The following CAMK2D variants were observed in gnomAD, a reference collection of about 807,000 sequenced individuals.
CAMK2D encodes the protein calcium/calmodulin dependent protein kinase II delta.
A neutral mutation model predicts 84.0 loss-of-function variants in CAMK2D; 37 were observed. That is an observed-to-expected ratio of 0.44 (90% CI 0.34 to 0.58). The LOEUF (loss-of-function observed/expected upper bound fraction) is 0.58, where lower values mean the gene tolerates loss of function less well. Ranked by LOEUF, CAMK2D falls within the 20% of genes least tolerant of loss-of-function variation. CAMK2D has a pLI of 0.02. For synonymous variants in CAMK2D, 202 were observed against 212.5 expected (o/e 0.95, Z 0.43); for missense variants, 448 against 652.5 (o/e 0.69, Z 3.41).
intron 12 of CAMK2D, among the ~76,000 whole-genome samples, chr4:113,512,628 A>C: frequency 6.6e-6 from 1 of 152,156 alleles, no homozygotes; most frequent in East Asian, 1.9e-4. Context: ...GCTGGAGTGC[A>C]GTGGCGTGAT....
At chr4:113,695,639 A>G (rs989786102) in intron 2 of CAMK2D, among the ~76,000 whole-genome samples, 1 of 152,018 alleles carries the variant, frequency 6.6e-6, no homozygotes, top group African/African-American at 2.4e-5. Context: ...TATAACCAGA[A>G]TACAACTACT....
At chr4:113,664,908 A>G (rs1314914445) in intron 2 of CAMK2D, among the ~76,000 whole-genome samples, 1 of 152,076 alleles carries the variant, frequency 6.6e-6, no homozygotes, top group East Asian at 1.9e-4. Flanking sequence ...GGTTCAAGCA[A>G]TTCTCCTGCC....
At chr4:113,516,168 T>G (rs1229103963) in intron 9 of CAMK2D, among the ~76,000 whole-genome samples, 1 of 152,226 alleles carries the variant, frequency 6.6e-6, no homozygotes, top group South Asian at 2.1e-4. Context: ...TGTGACTCAC[T>G]GGCATAATAA....
intron 3 of CAMK2D, among the ~76,000 whole-genome samples, chr4:113,636,734 A>C (rs2099111185): frequency 6.6e-6 from 1 of 152,140 alleles, no homozygotes; most frequent in Non-Finnish European, 1.5e-5. Flanking sequence ...CACTCACGCT[A>C]TCAAGGAGGT....
intron 12 of CAMK2D, among the ~76,000 whole-genome samples, chr4:113,511,772 T>C (rs901950495): frequency 1.3e-5 from 2 of 152,202 alleles, no homozygotes; most frequent in South Asian, 2.1e-4. Context: ...ACAAAATACA[T>C]ACAACTGGCC....
chr4:113,632,327 G>A (rs1036524425), intron 3 of CAMK2D, among the ~76,000 whole-genome samples: 11 of 151,850 alleles, frequency 7.2e-5, no homozygotes, highest in Non-Finnish European at 1.3e-4. Context: ...GGGTTTAAGC[G>A]ATTCTCCTGC....
intron 4 of CAMK2D, among the ~76,000 whole-genome samples, chr4:113,594,719 C>A (rs1363548848): frequency 6.6e-6 from 1 of 152,074 alleles, no homozygotes; most frequent in Non-Finnish European, 1.5e-5. Context: ...ATAGAAAAAA[C>A]TTCTAAAACT....
intron 2 of CAMK2D, chr4:113,753,900 C>G (rs1407597062): frequency 1.0e-6 from 1 of 984,408 alleles, no homozygotes; most frequent in African/African-American, 1.8e-5. Flanking sequence ...CAGAAATAAT[C>G]TTGTCCTCCT....
rs894418700 is a variant in CAMK2D, at chr4:113,648,061, A to G, written c.220+13652T>C. ...AGTAACTCATTATAGCTTTAACAAA[A>G]TTAAGACTGTAGTTAAAATTTATAG... On this transcript the variant is annotated intron_variant, in intron 3 of 20. Transcript: ENST00000511664. Among the ~76,000 whole-genome samples the G allele has an allele frequency of 5.3e-5, 8 of 152,330 alleles. No homozygotes were observed. In the East Asian group the frequency reaches 1.5e-3, roughly 29 times the overall value.
At chr4:113,649,000 T>G (rs936805031) in intron 3 of CAMK2D, among the ~76,000 whole-genome samples, 1 of 152,230 alleles carries the variant, frequency 6.6e-6, no homozygotes, top group Non-Finnish European at 1.5e-5. Flanking sequence ...TATTGTCAGT[T>G]AAAGGGATCA....
intron 4 of CAMK2D, among the ~76,000 whole-genome samples, chr4:113,569,963 T>C (rs1259835458): frequency 1.3e-5 from 2 of 151,956 alleles, no homozygotes; most frequent in Non-Finnish European, 2.9e-5. Context: ...AAAATCAGCA[T>C]ACAAAAATCA....
intron 2 of CAMK2D, among the ~76,000 whole-genome samples, chr4:113,719,434 A>C (rs528957258): frequency 6.6e-6 from 1 of 152,184 alleles, no homozygotes; most frequent in African/African-American, 2.4e-5. Flanking sequence ...AAAACTGACC[A>C]TTCTACCATG....
chr4:113,581,435 C>A lies in CAMK2D; in HGVS notation c.275+27717G>T, dbSNP rs545335078. ...GGCTGAGGCAGGAGATTCACTTGAACCCGGGAGGCGGAGGTTGCGGTGAGC... is the reference window on the plus strand; with the variant it reads ...GGCTGAGGCAGGAGATTCACTTGAAACCGGGAGGCGGAGGTTGCGGTGAGC... On this transcript the variant is annotated intron_variant, in intron 4 of 20. Coordinates refer to ENST00000511664, the MANE Select transcript of CAMK2D (RefSeq NM_001321571.2). Among the ~76,000 whole-genome samples the A allele has an allele frequency of 1.5e-3, 220 of 150,700 alleles. 2 individuals are homozygous for A. The highest frequency in any genetic ancestry group is 5.2e-3 in the African/African-American group (211 of 40,782).
At chr4:113,644,256 G>A (rs1172585225) in intron 3 of CAMK2D, among the ~76,000 whole-genome samples, 1 of 152,182 alleles carries the variant, frequency 6.6e-6, no homozygotes, top group Non-Finnish European at 1.5e-5. Context: ...TGGCTTAGAT[G>A]GTTACAAATC....
intron 3 of CAMK2D, among the ~76,000 whole-genome samples, chr4:113,648,809 G>T (rs978614415): frequency 1.3e-5 from 2 of 152,170 alleles, no homozygotes; most frequent in Non-Finnish European, 2.9e-5. Context: ...ATGGTAAGAA[G>T]CTTATATCTT....
At chr4:113,524,899 GAA>G (rs1049059077) in intron 8 of CAMK2D, among the ~76,000 whole-genome samples, 5 of 152,326 alleles carry the variant, frequency 3.3e-5, no homozygotes, top group Admixed American at 3.3e-4. Flanking sequence ...TCCATGAACT[GAA>G]GACTGTTGGA....
rs1341221465 is a variant in CAMK2D at position 113,492,400 on chromosome 4, C to G, written c.1135+8063G>C. ...ATTTCTGCCTTCATTTCACTATGTA[C>G]CCAGTAGTCATTCAGGAGCAGGTTG... On this transcript the variant is annotated intron_variant, in intron 16 of 20. Coordinates refer to ENST00000511664, the MANE Select transcript of CAMK2D (RefSeq NM_001321571.2). Among the ~76,000 whole-genome samples, 3 of 152,086 alleles carry G rather than the reference C, an allele frequency of 2.0e-5. 1 individual carries two copies. The South Asian group carries it at 6.2e-4, about 32-fold the overall frequency.
At chr4:113,623,943 T>C (rs995053987) in intron 3 of CAMK2D, among the ~76,000 whole-genome samples, 1 of 152,120 alleles carries the variant, frequency 6.6e-6, no homozygotes, top group African/African-American at 2.4e-5. Flanking sequence ...CGAGCCAGGA[T>C]TTCAAGGTCT....
At chr4:113,692,465 T>C (rs1039794476) in intron 2 of CAMK2D, among the ~76,000 whole-genome samples, 3 of 152,152 alleles carry the variant, frequency 2.0e-5, no homozygotes, top group Non-Finnish European at 4.4e-5. Flanking sequence ...AATATATCTA[T>C]ACATATATTC....
Sources: gnomAD v4.1 joint callset for allele counts (sites outside exome capture counted in the v4.1 genomes callset) on GRCh38, gnomAD v4.1.1 for gene constraint, MANE v1.5 for transcripts, NCBI Gene and HGNC (gene_info 2026-07-23, HGNC 2026-07-21) for gene names.